ARHGAP26: variants seen among roughly 807,000 people sequenced by gnomAD.
ARHGAP26 encodes rho GTPase-activating protein 26.
ARHGAP26 carries 38 observed loss-of-function variants against 104.8 expected under a neutral mutation model. That is an observed-to-expected ratio of 0.36 (90% CI 0.28 to 0.48). The LOEUF (loss-of-function observed/expected upper bound fraction) is 0.48. Ranked by LOEUF, ARHGAP26 falls within the 20% of genes least tolerant of loss-of-function variation. ARHGAP26 has a pLI of 0.99. For missense variants in ARHGAP26, 704 were observed against 947.9 expected (o/e 0.74, Z 3.38); for synonymous variants, 341 against 340.0 (o/e 1.00, Z -0.03).
At chr5:142,952,978 G>C (rs549443109) in intron 11 of ARHGAP26, among the ~76,000 whole-genome samples, 3 of 152,164 alleles carry the variant, frequency 2.0e-5, no homozygotes, top group Admixed American at 1.3e-4. Context: ...CAAAGTGCTG[G>C]GATTACAGGC....
At chr5:143,030,623 G>A (rs1392709336) in intron 12 of ARHGAP26, among the ~76,000 whole-genome samples, 2 of 152,186 alleles carry the variant, frequency 1.3e-5, no homozygotes, top group Non-Finnish European at 2.9e-5. Context: ...GAAAGTGGAG[G>A]ACCAAAAGGT....
intron 13 of ARHGAP26, 111 bp from the exon 14 acceptor site, chr5:143,041,705 A>G: frequency 1.3e-6 from 1 of 763,428 alleles, no homozygotes. Context: ...AGCAGCTTTT[A>G]GGAGGACTGA....
chr5:143,009,913 C>T lies in ARHGAP26; in HGVS notation c.1108-4167C>T, dbSNP rs574890019. On this transcript the variant is annotated intron_variant, in intron 11 of 22. Coordinates refer to ENST00000645722, the MANE Select transcript of ARHGAP26 (RefSeq NM_001135608.3). ...GATCAGGCATTTAGTGCCCCTTGTC[C>T]GCTTGGGTTGCTCCTGGAGAGTTGA... 1.5e-4 allele frequency among the ~76,000 whole-genome samples: 22 copies of T among 151,034 alleles called. No homozygotes were observed. In the South Asian group the frequency reaches 2.7e-3, roughly 19 times the overall value.
At chr5:143,044,921 A>G (rs1439590191) in intron 14 of ARHGAP26, among the ~76,000 whole-genome samples, 1 of 152,210 alleles carries the variant, frequency 6.6e-6, no homozygotes, top group Admixed American at 6.5e-5. Context: ...GAGAGAATCA[A>G]CAGGACTTTT....
intron 17 of ARHGAP26, among the ~76,000 whole-genome samples, chr5:143,067,283 A>G (rs921152013): frequency 5.3e-5 from 8 of 151,972 alleles, no homozygotes; most frequent in African/African-American, 1.7e-4. Context: ...CTCAGATGTC[A>G]TTCCCAGATT....
At chr5:142,783,373 T>G (rs1026585919) in intron 1 of ARHGAP26, among the ~76,000 whole-genome samples, 1 of 152,198 alleles carries the variant, frequency 6.6e-6, no homozygotes, top group African/African-American at 2.4e-5. Flanking sequence ...AAAGGAAACT[T>G]TTGCTCCTGG....
intron 1 of ARHGAP26, among the ~76,000 whole-genome samples, chr5:142,858,094 T>TGTGAGAGAGA (rs1424264346): frequency 1.3e-4 from 16 of 127,172 alleles, no homozygotes; most frequent in African/African-American, 5.0e-4. Flanking sequence ...TGTGTGTGTG[T>TGTGAGAGAGA]GAGAGAGAGA....
chr5:143,200,350 A>C (rs1363960608), intron 20 of ARHGAP26, among the ~76,000 whole-genome samples: 2 of 152,208 alleles, frequency 1.3e-5, no homozygotes, highest in Non-Finnish European at 2.9e-5. Context: ...CTAAGGAAAC[A>C]ATTGAGACAC....
chr5:143,045,735 T>A (rs1271857146), intron 14 of ARHGAP26, among the ~76,000 whole-genome samples: 1 of 152,196 alleles, frequency 6.6e-6, no homozygotes, highest in African/African-American at 2.4e-5. Context: ...CGGTGGCTCA[T>A]GCCTATAATC....
At chr5:143,128,096 G>C (rs1051079465) in intron 18 of ARHGAP26, among the ~76,000 whole-genome samples, 3 of 152,204 alleles carry the variant, frequency 2.0e-5, no homozygotes, top group Non-Finnish European at 2.9e-5. Flanking sequence ...GAGCTAGAAT[G>C]CTTCTGCCAC....
intron 5 of ARHGAP26, among the ~76,000 whole-genome samples, chr5:142,886,122 G>C (rs921923399): frequency 6.6e-6 from 1 of 152,192 alleles, no homozygotes; most frequent in Non-Finnish European, 1.5e-5. Context: ...GAGTTTCCTA[G>C]TGGAACCTCA....
At chr5:143,126,171 A>G (rs1280277195) in intron 18 of ARHGAP26, among the ~76,000 whole-genome samples, 3 of 152,248 alleles carry the variant, frequency 2.0e-5, no homozygotes, top group Non-Finnish European at 4.4e-5. Context: ...TTCTACTGGC[A>G]TTGGGCTCTG....
intron 6 of ARHGAP26, among the ~76,000 whole-genome samples, chr5:142,894,672 T>G (rs1759217586): frequency 6.6e-6 from 1 of 152,174 alleles, no homozygotes; most frequent in African/African-American, 2.4e-5. Context: ...TGCCATGAAA[T>G]AGTGATTATA....
At chr5:142,817,128 T>C (rs904627629) in intron 1 of ARHGAP26, among the ~76,000 whole-genome samples, 1 of 152,172 alleles carries the variant, frequency 6.6e-6, no homozygotes, top group African/African-American at 2.4e-5. Flanking sequence ...ACACTCAGCA[T>C]GGTCCTGGAA....
At chr5:143,161,960 C>G (rs968362698) in intron 20 of ARHGAP26, among the ~76,000 whole-genome samples, 4 of 152,030 alleles carry the variant, frequency 2.6e-5, no homozygotes, top group Non-Finnish European at 4.4e-5. Flanking sequence ...GGATGATGGC[C>G]CTGAGATAGA....
intron 20 of ARHGAP26, among the ~76,000 whole-genome samples, chr5:143,189,601 T>C (rs1805628464): frequency 6.6e-6 from 1 of 152,196 alleles, no homozygotes; most frequent in South Asian, 2.1e-4. Context: ...TAAAATATTA[T>C]CAAAAAGCAT....
chr5:142,885,191 C>T, intron 4 of ARHGAP26, 107 bp from the exon 5 acceptor site: 1 of 852,330 alleles, frequency 1.2e-6, no homozygotes, highest in Non-Finnish European at 1.9e-6. Flanking sequence ...AAAGTAGGAG[C>T]TGAGTCGTCA....
chr5:143,210,561 C>T (rs1314387477), intron 21 of ARHGAP26, among the ~76,000 whole-genome samples: 2 of 152,160 alleles, frequency 1.3e-5, no homozygotes, highest in African/African-American at 2.4e-5. Context: ...ACATTCCCTC[C>T]GTATTTCCCT....
At chr5:143,045,485 A>G (rs1032667935) in intron 14 of ARHGAP26, among the ~76,000 whole-genome samples, 5 of 152,302 alleles carry the variant, frequency 3.3e-5, no homozygotes, top group East Asian at 1.9e-4. Flanking sequence ...AACTTCATCA[A>G]TTCTTGGTAC....
Sources: allele counts gnomAD v4.1 joint callset (sites outside exome capture counted in the v4.1 genomes callset), GRCh38; gene constraint gnomAD v4.1.1; transcripts MANE v1.5; gene names NCBI Gene and HGNC (gene_info 2026-07-23, HGNC 2026-07-21).